LRBA: variants seen among roughly 807,000 people sequenced by gnomAD.
LRBA encodes lipopolysaccharide-responsive and beige-like anchor protein.
Under a neutral mutation model 330.0 loss-of-function variants are expected in LRBA, and 176 were observed. The observed-to-expected ratio is 0.53, with a 90% CI of 0.47 to 0.60. The LOEUF (loss-of-function observed/expected upper bound fraction) is 0.60, where lower values mean the gene tolerates loss of function less well. Ranked by LOEUF, LRBA falls within the 20% of genes least tolerant of loss-of-function variation. The pLI is 0.00. For synonymous variants in LRBA, 1,230 were observed against 1,193.0 expected, an observed-to-expected ratio of 1.03 and a Z score of -0.64; for missense variants, 3,259 against 3,444.8, an observed-to-expected ratio of 0.95 and a Z score of 1.35.
intron 40 of LRBA, among the ~76,000 whole-genome samples, chr4:150,578,281 T>C (rs1770791672): frequency 6.6e-6 from 1 of 152,232 alleles, no homozygotes; most frequent in South Asian, 2.1e-4. Context: ...TTACCCATTA[T>C]TCTTCAATTA....
At chr4:150,588,313 C>A (rs1169797411) in intron 39 of LRBA, 129 bp from the exon 40 acceptor site, 3 of 821,064 alleles carry the variant, frequency 3.7e-6, no homozygotes, top group African/African-American at 3.5e-5. Flanking sequence ...ACTACTTCTA[C>A]AGTTAAATAT....
At chr4:150,785,789 T>C (rs1380550273) in intron 34 of LRBA, among the ~76,000 whole-genome samples, 1 of 152,078 alleles carries the variant, frequency 6.6e-6, no homozygotes, top group Non-Finnish European at 1.5e-5. Flanking sequence ...AAACAGGAGG[T>C]ACGTTGAAAG....
At chr4:150,526,494 G>C (rs1763491230) in intron 40 of LRBA, among the ~76,000 whole-genome samples, 1 of 152,110 alleles carries the variant, frequency 6.6e-6, no homozygotes, top group Non-Finnish European at 1.5e-5. Flanking sequence ...GGGATTGTGG[G>C]ACAAGCATCA....
chr4:151,009,223 G>A (rs564368069), intron 2 of LRBA, among the ~76,000 whole-genome samples: 8 of 150,940 alleles, frequency 5.3e-5, no homozygotes, highest in Non-Finnish European at 8.8e-5. Flanking sequence ...ATTCTATTAG[G>A]TATTCTAAGT....
chr4:150,369,296 G>A lies in LRBA; in HGVS notation c.7195-19137C>T, dbSNP rs541694019. On this transcript the variant is annotated intron_variant, in intron 47 of 56. Transcript: ENST00000651943. The stretch of plus-strand genomic sequence containing the variant: ...GCAAAATGTTATCAAATAATCAAAT[G>A]TTATAAAATAATCTCACAAAGATGC... Among the ~76,000 whole-genome samples the A allele has an allele frequency of 2.0e-5, 3 of 152,058 alleles. No individual in the cohort carries two copies. The East Asian group carries it at 5.8e-4, about 29-fold the overall frequency.
At chr4:150,485,332 T>G (rs1384410849) in intron 42 of LRBA, among the ~76,000 whole-genome samples, 1 of 152,002 alleles carries the variant, frequency 6.6e-6, no homozygotes, top group Admixed American at 6.6e-5. Flanking sequence ...CTGGCTCTTT[T>G]ATCATTATGA....
intron 36 of LRBA, among the ~76,000 whole-genome samples, chr4:150,692,147 T>C (rs901619329): frequency 3.3e-5 from 5 of 152,162 alleles, no homozygotes; most frequent in Admixed American, 2.6e-4. Context: ...CTCCTCAAAT[T>C]GTATACTTAA....
intron 30 of LRBA, among the ~76,000 whole-genome samples, chr4:150,822,554 G>C (rs1348871855): frequency 6.6e-6 from 1 of 152,092 alleles, no homozygotes; most frequent in African/African-American, 2.4e-5. Flanking sequence ...ATCGCTTGAG[G>C]TCAGGAGTTC....
At chr4:150,504,951 A>C (rs910845603) in intron 40 of LRBA, among the ~76,000 whole-genome samples, 4 of 152,212 alleles carry the variant, frequency 2.6e-5, no homozygotes, top group African/African-American at 7.2e-5. Context: ...ACAGACTTTA[A>C]ACCAACAAAG....
At position 150,585,465 on chromosome 4, in the gene LRBA, TTC is replaced by T. The variant is rs1771999878; in HGVS notation, c.6330+2581_6330+2582del. 2.6e-5 allele frequency among the ~76,000 whole-genome samples: 4 copies of T among 152,348 alleles called. No homozygotes were observed. The South Asian group carries it at 6.2e-4, about 24-fold the overall frequency. On this transcript the variant is annotated intron_variant, in intron 40 of 56. Coordinates refer to ENST00000651943, the MANE Select transcript of LRBA (RefSeq NM_001364905.1). ...AATAGGAAAAGTACCTTCCTCCTCT[TTC>T]TGTTTTTCTAAGGTAACAAACCAAT...
chr4:150,796,175 C>CA (rs1690963715), intron 34 of LRBA, among the ~76,000 whole-genome samples: 1 of 151,902 alleles, frequency 6.6e-6, no homozygotes, highest in African/African-American at 2.4e-5. Context: ...AAGCCATCCC[C>CA]ACCCAGGATC....
At chr4:150,657,652 A>G (rs939751809) in intron 37 of LRBA, among the ~76,000 whole-genome samples, 4 of 152,088 alleles carry the variant, frequency 2.6e-5, no homozygotes, top group Non-Finnish European at 5.9e-5. Context: ...ATATTTTAAA[A>G]GGGGGTTTTA....
At position 151,014,520 on chromosome 4, in the gene LRBA, G is replaced by C. The variant is rs1745214779; in HGVS notation, c.123C>G (p.Ile41Met). ...GALSLKPGLPIRGIRMKFAVL... is the reference protein window; with the variant it reads ...GALSLKPGLPMRGIRMKFAVL... ...CGGCAAATTTCATTCTGATGCCCCT[G>C]ATGGGGAGCCCTGGTTTCAGAGACA... The change falls in exon 2 of 57, where the codon ATC becomes ATG. Residue 41 changes from isoleucine to methionine, a missense_variant. Ile to Met is a conservative substitution (Grantham distance 10). Coordinates refer to ENST00000651943, the MANE Select transcript of LRBA (RefSeq NM_001364905.1). 1 of 1,614,036 alleles carries C rather than the reference G, an allele frequency of 6.2e-7. No individual in the cohort carries two copies. The highest frequency in any genetic ancestry group is 1.3e-5 in the African/African-American group (1 of 74,940).
At chr4:150,790,114 T>A (rs572067113) in intron 34 of LRBA, among the ~76,000 whole-genome samples, 1 of 152,322 alleles carries the variant, frequency 6.6e-6, no homozygotes, top group Admixed American at 6.5e-5. Context: ...GCAGGGAACT[T>A]GCAGAATTAA....
intron 40 of LRBA, chr4:150,579,721 G>A: frequency 2.2e-6 from 1 of 456,530 alleles, no homozygotes; most frequent in Non-Finnish European, 4.4e-6. Context: ...GGCCTGGGAC[G>A]CCCCACCCGA....
chr4:150,785,088 C>CA (rs1440610867), intron 34 of LRBA, among the ~76,000 whole-genome samples: 1 of 152,164 alleles, frequency 6.6e-6, no homozygotes, highest in East Asian at 1.9e-4. Flanking sequence ...TCAGTCTCCC[C>CA]AAAACCTGGG....
At chr4:150,587,952 T>A (rs1242646347) in intron 40 of LRBA, 96 bp downstream of exon 40, 1 of 1,365,608 alleles carries the variant, frequency 7.3e-7, no homozygotes, top group Non-Finnish European at 9.8e-7. Context: ...TTAGAAGAAA[T>A]TCAAACTAAG....
intron 46 of LRBA, chr4:150,422,995 G>A (rs193177750): frequency 5.1e-6 from 4 of 782,352 alleles, no homozygotes; most frequent in African/African-American, 1.7e-5. Flanking sequence ...TGGTGTATAA[G>A]TGACAGGCTG....
intron 43 of LRBA, among the ~76,000 whole-genome samples, chr4:150,471,374 C>T (rs1756111626): frequency 6.6e-6 from 1 of 152,062 alleles, no homozygotes; most frequent in South Asian, 2.1e-4. Flanking sequence ...TTTTAATCAC[C>T]ACAGTACTTT....
Sources: gnomAD v4.1 joint callset for allele counts (sites outside exome capture counted in the v4.1 genomes callset) on GRCh38, gnomAD v4.1.1 for gene constraint, MANE v1.5 for transcripts, NCBI Gene and HGNC (gene_info 2026-07-23, HGNC 2026-07-21) for gene names.